The following GET4 variants were observed in gnomAD, a reference collection of about 807,000 sequenced individuals.
The protein encoded by GET4 is guided entry of tail-anchored proteins factor 4.
GET4 carries 20 observed loss-of-function variants against 40.0 expected under a neutral mutation model. The observed-to-expected ratio is 0.50, with a 90% CI of 0.35 to 0.73. GET4 has a LOEUF of 0.73. Among genes scored for constraint, GET4 ranks in the 30% least tolerant of loss-of-function variants. The pLI is 0.01. For missense variants in GET4, 557 were observed against 454.0 expected (o/e 1.23, Z -2.06); for synonymous variants, 280 against 194.6 (o/e 1.44, Z -3.65).
chr7:884,151 G>C, intron 1 of GET4: 1 of 1,281,052 alleles, frequency 7.8e-7, no homozygotes, highest in Non-Finnish European at 1.0e-6. Flanking sequence ...CATCCAGAAC[G>C]CTGTAGTATC....
At chr7:894,998 G>A (rs1037424667) in intron 8 of GET4, among the ~76,000 whole-genome samples, 3 of 151,772 alleles carry the variant, frequency 2.0e-5, no homozygotes, top group Non-Finnish European at 4.4e-5. Context: ...AGGTGGTGTT[G>A]GTTCTGTAGG....
In GET4 at chr7:895,428, C is replaced by T; in HGVS notation, c.*6C>T. ...GCCCCATCGAGCTGGACTGAACTGG[C>T]CAGGCCACGTGGAGACACCACGGTC... On this transcript the variant is annotated 3_prime_UTR_variant, in exon 9 of 9. Transcript: ENST00000265857. 6.7e-7 allele frequency: 1 copy of T among 1,496,450 alleles called. No individual in the cohort carries two copies. Among genetic ancestry groups the T allele is most frequent in the Non-Finnish European group, 9.3e-7 (1 of 1,077,064 alleles). The allele number at this position is 1,496,450 out of a possible 1,614,324, so 92.7% of individuals were successfully genotyped here. A position where few individuals can be genotyped will look rare whatever the true frequency, so the allele number is the denominator to read the frequency against.
At chr7:880,784 G>A (rs1365306812) in intron 1 of GET4, 1 of 152,260 alleles carries the variant, frequency 6.6e-6, no homozygotes, top group Non-Finnish European at 1.5e-5. Flanking sequence ...TCTTTCCAGG[G>A]TAGAATTCCG....
chr7:878,123 T>G (rs565739194), intron 1 of GET4: 4 of 370,346 alleles, frequency 1.1e-5, no homozygotes, highest in African/African-American at 8.4e-5. Flanking sequence ...CCTCTGGACC[T>G]AGGCTCGGTG....
At chr7:886,289 G>T in intron 2 of GET4, 155 bp downstream of exon 2, 1 of 625,198 alleles carries the variant, frequency 1.6e-6, no homozygotes, top group Non-Finnish European at 2.8e-6. Flanking sequence ...AGTCCCCCCT[G>T]GCTTGGCTGC....
intron 1 of GET4, 112 bp from the exon 2 acceptor site, chr7:885,944 G>C: frequency 2.7e-6 from 2 of 732,434 alleles, no homozygotes; most frequent in African/African-American, 1.7e-5. Context: ...GCTGCTTTTA[G>C]GATGCCACCT....
chr7:891,269 C>T (rs1314978015), intron 5 of GET4, among the ~76,000 whole-genome samples: 1 of 152,240 alleles, frequency 6.6e-6, no homozygotes, highest in Non-Finnish European at 1.5e-5. Flanking sequence ...TAGAAACTCC[C>T]CCTTTCCCGA....
chr7:885,219 G>A (rs1585492871), intron 1 of GET4: 1 of 152,264 alleles, frequency 6.6e-6, no homozygotes, highest in Non-Finnish European at 1.5e-5. Flanking sequence ...CGATCATTAA[G>A]AAAAACGTGT....
In GET4 at chr7:893,892, C is replaced by G. The variant is rs773164750; in HGVS notation, c.823-7C>G. ...CCCCCTCTGAGCCCGCTGCCTGTGC[C>G]TTGCAGTACCTCGACCGCATAGGAC... On this transcript the variant is annotated splice_region_variant and splice_polypyrimidine_tract_variant and intron_variant, in intron 7 of 8. Transcript: ENST00000265857. The G allele has an allele frequency of 1.1e-5, 17 of 1,612,238 alleles. No individual in the cohort carries two copies. The highest frequency in any genetic ancestry group is 1.3e-5 in the Non-Finnish European group (15 of 1,179,082).
rs199997935 is a variant in GET4 at position 895,437 on chromosome 7, G to T, written c.*15G>T. Reference sequence around the variant, plus strand: ...AGCTGGACTGAACTGGCCAGGCCACGTGGAGACACCACGGTCGACGACGGC... The same window carrying T: ...AGCTGGACTGAACTGGCCAGGCCACTTGGAGACACCACGGTCGACGACGGC... On this transcript the variant is annotated 3_prime_UTR_variant, in exon 9 of 9. Coordinates refer to ENST00000265857, the MANE Select transcript of GET4 (RefSeq NM_015949.3). 1.4e-6 allele frequency: 2 copies of T among 1,409,434 alleles called. No homozygotes were observed. The highest frequency in any genetic ancestry group is 2.0e-6 in the Non-Finnish European group (2 of 999,652). The allele number at this position is 1,409,434 out of a possible 1,614,324, so 87.3% of individuals were successfully genotyped here. A position where few individuals can be genotyped will look rare whatever the true frequency, so the allele number is the denominator to read the frequency against.
intron 1 of GET4, 119 bp downstream of exon 1, chr7:876,919 G>A (rs1404802029): frequency 1.2e-5 from 5 of 401,796 alleles, no homozygotes; most frequent in South Asian, 9.7e-5. Flanking sequence ...GGGGCGAGCT[G>A]GACCCAGGGG....
intron 8 of GET4, among the ~76,000 whole-genome samples, chr7:894,466 G>A (rs1483292673): frequency 6.6e-6 from 1 of 152,294 alleles, no homozygotes; most frequent in East Asian, 1.9e-4. Flanking sequence ...TTATTTTAGT[G>A]GGAGGTGTGA....
At chr7:878,399 G>A (rs956113825) in intron 1 of GET4, 3 of 470,680 alleles carry the variant, frequency 6.4e-6, no homozygotes, top group Admixed American at 2.3e-5. Flanking sequence ...AGTCTGGCCA[G>A]TCACTAGGAA....
At position 895,645 on chromosome 7, in the gene GET4, C is replaced by T. The variant is rs944016883; in HGVS notation, c.*223C>T. On this transcript the variant is annotated 3_prime_UTR_variant, in exon 9 of 9. Coordinates refer to ENST00000265857, the MANE Select transcript of GET4 (RefSeq NM_015949.3). ...GGGGCGTCGCCCCTGCTGGCCGCCG[C>T]GTCCCCCGAGATTGACCCACAATAA... 16 of 416,406 alleles carry T rather than the reference C, an allele frequency of 3.8e-5. No individual in the cohort carries two copies. The highest frequency in any genetic ancestry group is 1.3e-4 in the Admixed American group (3 of 22,932). The allele number at this position is 416,406 out of a possible 1,614,324, so 25.8% of individuals were successfully genotyped here. A position where few individuals can be genotyped will look rare whatever the true frequency, so the allele number is the denominator to read the frequency against.
At chr7:879,581 G>C (rs1844042411) in intron 1 of GET4, among the ~76,000 whole-genome samples, 1 of 152,292 alleles carries the variant, frequency 6.6e-6, no homozygotes, top group African/African-American at 2.4e-5. Flanking sequence ...ATGACCTGAA[G>C]GGCAGCCTTG....
At chr7:883,883 T>C (rs573298582) in intron 1 of GET4, 1 of 1,023,442 alleles carries the variant, frequency 9.8e-7, no homozygotes, top group African/African-American at 1.7e-5. Context: ...TGGAAACGGG[T>C]GCCCCCAGCC....
chr7:886,390 A>G (rs192483107), intron 2 of GET4, 179 bp from the exon 3 acceptor site: 1 of 620,496 alleles, frequency 1.6e-6, no homozygotes, highest in East Asian at 2.7e-5. Flanking sequence ...GTCCATTTTC[A>G]TGTGATTCTC....
At position 892,310 on chromosome 7, in the gene GET4, C is replaced by T. The variant is rs747849277; in HGVS notation, c.638C>T (p.Ser213Leu). The T allele has an allele frequency of 1.7e-5, 27 of 1,592,472 alleles. No individual in the cohort carries two copies. Among genetic ancestry groups the T allele is most frequent in the South Asian group, 6.6e-5 (6 of 90,640 alleles). ...FLCLKNKSSA[S>L]VVFTTYTQKH... ...TGTTTAAAAAACAAAAGTAGCGCAT[C>T]GGTGGTCTTCACGACGTACACCCAG... Residue 213 changes from serine (S) to leucine (L), a missense_variant, in exon 6 of 9, where the codon TCG (serine) becomes TTG (leucine). By Grantham distance (145) the Ser-to-Leu change is moderately radical. Coordinates refer to ENST00000265857, the MANE Select transcript of GET4 (RefSeq NM_015949.3).
Position 895,378 on chromosome 7 carries a change from G to A in GET4, c.940G>A (p.Gly314Arg). Reference sequence around the variant, plus strand: ...CATGGGCTCCTCAGAGCAGGAGGATGGGGAGGAGAGCCCCAGCGACGGCAG... The same window carrying A: ...CATGGGCTCCTCAGAGCAGGAGGATAGGGAGGAGAGCCCCAGCGACGGCAG... The part of the protein sequence containing the change: ...SLMGSSEQED[G>R]EESPSDGSPI... The change falls in exon 9 of 9, where the codon GGG becomes AGG. Residue 314 changes from glycine to arginine, a missense_variant. Transcript: ENST00000265857. 6.2e-7 allele frequency: 1 copy of A among 1,600,396 alleles called. No individual in the cohort carries two copies. Among genetic ancestry groups the A allele is most frequent in the Non-Finnish European group, 8.6e-7 (1 of 1,169,082 alleles).
Sources: gnomAD v4.1 joint callset for allele counts (sites outside exome capture counted in the v4.1 genomes callset) on GRCh38, gnomAD v4.1.1 for gene constraint, MANE v1.5 for transcripts, NCBI Gene and HGNC (gene_info 2026-07-23, HGNC 2026-07-21) for gene names.